MAP3K4: variants seen among roughly 807,000 people sequenced by gnomAD.
MAP3K4 encodes MAP three kinase 1.
Under a neutral mutation model 185.6 loss-of-function variants are expected in MAP3K4, and 67 were observed. The observed-to-expected ratio is 0.36, with a 90% CI of 0.30 to 0.44. The LOEUF (loss-of-function observed/expected upper bound fraction) is 0.44. MAP3K4 is among the 20% of genes least tolerant of loss of function. The pLI, the probability that MAP3K4 is intolerant of heterozygous loss-of-function variation, is 1.00. For missense variants in MAP3K4, 1,551 were observed against 1,995.1 expected, an observed-to-expected ratio of 0.78 and a Z score of 4.24; for synonymous variants, 702 against 710.4, an observed-to-expected ratio of 0.99 and a Z score of 0.19.
At chr6:161,104,112 A>T (rs1199082391) in intron 19 of MAP3K4, among the ~76,000 whole-genome samples, 1 of 152,180 alleles carries the variant, frequency 6.6e-6, no homozygotes, top group Non-Finnish European at 1.5e-5. Context: ...TACAGTTCAC[A>T]TTGACATATT....
At chr6:161,042,965 GGTGT>G (rs374290202) in intron 2 of MAP3K4, among the ~76,000 whole-genome samples, 1 of 151,182 alleles carries the variant, frequency 6.6e-6, no homozygotes, top group Non-Finnish European at 1.5e-5. Flanking sequence ...AATATCTCAA[GGTGT>G]GTGTGTGTGC....
Position 161,053,391 on chromosome 6 carries a change from G to T in MAP3K4, c.1707+3412G>T, listed in dbSNP as rs1784091086. Among the ~76,000 whole-genome samples the T allele has an allele frequency of 1.3e-5, 2 of 152,172 alleles. No individual in the cohort carries two copies. Among genetic ancestry groups the T allele is most frequent in the Non-Finnish European group, 2.9e-5 (2 of 68,032 alleles). ...ACACAGATCCACATCTTATCAAATG[G>T]TAAAATGCTCTACAAATCAACCATA... On this transcript the variant is annotated intron_variant, in intron 3 of 26. Coordinates refer to ENST00000392142, the MANE Select transcript of MAP3K4 (RefSeq NM_005922.4). The surrounding 1 kb of genome is among the most constrained non-coding windows in gnomAD (Gnocchi z 4.2).
In MAP3K4 at chr6:161,049,943, A is replaced by C; in HGVS notation, c.1671A>C (p.Ala557=). 1.2e-6 allele frequency: 2 copies of C among 1,613,690 alleles called. No homozygotes were observed. The highest frequency in any genetic ancestry group is 1.7e-6 in the Non-Finnish European group (2 of 1,179,786). Reference sequence around the variant, plus strand: ...TAATGGATGGTTCCTTGCAAAGGGCACGTATAGCATTGGTAAAGAACGATC... The same window carrying C: ...TAATGGATGGTTCCTTGCAAAGGGCCCGTATAGCATTGGTAAAGAACGATC... ...HKLMDGSLQR[A]RIALVKNDRP... The change falls in exon 3 of 27, where the codon GCA becomes GCC. Residue 557 remains alanine, a synonymous_variant. Coordinates refer to ENST00000392142, the MANE Select transcript of MAP3K4 (RefSeq NM_005922.4). This position sits in a 1 kb window ranked among gnomAD's most constrained non-coding sequence, Gnocchi z 8.4.
chr6:161,005,339 C>A (rs1781535815), intron 1 of MAP3K4, among the ~76,000 whole-genome samples: 1 of 151,752 alleles, frequency 6.6e-6, no homozygotes, highest in African/African-American at 2.4e-5. Flanking sequence ...GGGGTTTCTC[C>A]ACGTTGCCCA....
chr6:161,018,869 G>T (rs1782236928), intron 1 of MAP3K4, among the ~76,000 whole-genome samples: 1 of 152,114 alleles, frequency 6.6e-6, no homozygotes, highest in Non-Finnish European at 1.5e-5. Flanking sequence ...GATCCAAATG[G>T]AACTTCTGAA....
chr6:161,089,798 A>G (rs948812094), intron 11 of MAP3K4, among the ~76,000 whole-genome samples: 1 of 152,190 alleles, frequency 6.6e-6, no homozygotes, highest in African/African-American at 2.4e-5. Flanking sequence ...TTCTCCTTTC[A>G]CAATCCCCAG....
chr6:161,079,246 A>C lies in MAP3K4; in HGVS notation c.2098-1635A>C, dbSNP rs551088344. On this transcript the variant is annotated intron_variant, in intron 5 of 26. Coordinates refer to ENST00000392142, the MANE Select transcript of MAP3K4 (RefSeq NM_005922.4). ...AAAAAAAAAAAAAAGCAGTGGGAAC[A>C]GGAGGAAGCTGACTTTGCAGCCTTT... Among the ~76,000 whole-genome samples the C allele has an allele frequency of 1.7e-4, 25 of 149,072 alleles. No homozygotes were observed. The South Asian group carries it at 2.7e-3, about 16-fold the overall frequency.
In MAP3K4 at chr6:161,017,759, C is replaced by G. The variant is rs999424661; in HGVS notation, c.153-16500C>G. On this transcript the variant is annotated intron_variant, in intron 1 of 26. Coordinates refer to ENST00000392142, the MANE Select transcript of MAP3K4 (RefSeq NM_005922.4). The surrounding 1 kb of genome is among the most constrained non-coding windows in gnomAD (Gnocchi z 5.1). ...TCTCCTTTGCTTCCTAAAGACACTGCTGTGTGATCCTATTATATAATACTT... is the reference window on the plus strand; with the variant it reads ...TCTCCTTTGCTTCCTAAAGACACTGGTGTGTGATCCTATTATATAATACTT... Among the ~76,000 whole-genome samples, 1 of 152,100 alleles carries G rather than the reference C, an allele frequency of 6.6e-6. No individual in the cohort carries two copies. Among genetic ancestry groups the G allele is most frequent in the Non-Finnish European group, 1.5e-5 (1 of 68,030 alleles).
At position 161,074,689 on chromosome 6, in the gene MAP3K4, A is replaced by G. The variant is rs1303596699; in HGVS notation, c.2097+1077A>G. 6.6e-6 allele frequency among the ~76,000 whole-genome samples: 1 copy of G among 152,228 alleles called. No individual in the cohort carries two copies. Among genetic ancestry groups the G allele is most frequent in the Non-Finnish European group, 1.5e-5 (1 of 68,050 alleles). Reference sequence around the variant, plus strand: ...TAGATTCATTAGGGTATATGCATAGATGATTACGTAATGTGACAGGTTAAT... The same window carrying G: ...TAGATTCATTAGGGTATATGCATAGGTGATTACGTAATGTGACAGGTTAAT... On this transcript the variant is annotated intron_variant, in intron 5 of 26. Coordinates refer to ENST00000392142, the MANE Select transcript of MAP3K4 (RefSeq NM_005922.4). This position sits in a 1 kb window ranked among gnomAD's most constrained non-coding sequence, Gnocchi z 5.0.
Position 161,049,017 on chromosome 6 carries a change from C to T in MAP3K4, c.745C>T (p.Gln249Ter). The T allele has an allele frequency of 6.2e-7, 1 of 1,614,056 alleles. No homozygotes were observed. Among genetic ancestry groups the T allele is most frequent in the Non-Finnish European group, 8.5e-7 (1 of 1,179,968 alleles). The stretch of plus-strand genomic sequence containing the variant: ...GAAAAAAGACAGGGAGCAAAGAGGA[C>T]AAGAAAATACGTCTGGTTTCTGGCT... ...SKKKDREQRG[Q>*]ENTSGFWLNR... Residue 249 changes from glutamine to a stop codon, truncating the protein, a stop_gained, in exon 3 of 27, where the codon CAA becomes TAA. Transcript: ENST00000392142. LOFTEE classifies it high-confidence loss of function. The surrounding 1 kb of genome is among the most constrained non-coding windows in gnomAD (Gnocchi z 8.4).
chr6:160,992,371 C>T (rs1409165674), intron 1 of MAP3K4: 2 of 469,206 alleles, frequency 4.3e-6, no homozygotes, highest in Non-Finnish European at 7.4e-6. Context: ...GTTGCGGGGG[C>T]TGGGAGCAGA....
In MAP3K4 at chr6:161,017,313, G is replaced by A. The variant is rs1782161720; in HGVS notation, c.153-16946G>A. On this transcript the variant is annotated intron_variant, in intron 1 of 26. Transcript: ENST00000392142. This position sits in a 1 kb window ranked among gnomAD's most constrained non-coding sequence, Gnocchi z 5.1. The stretch of plus-strand genomic sequence containing the variant: ...CCTAGCTAAGTCAAAACAATTTGGT[G>A]GCATACTTGTTTCTGTTAATGATAT... 6.6e-6 allele frequency among the ~76,000 whole-genome samples: 1 copy of A among 151,996 alleles called. No homozygotes were observed. Among genetic ancestry groups the A allele is most frequent in the Non-Finnish European group, 1.5e-5 (1 of 67,988 alleles).
rs1374890153 is a variant in MAP3K4 at position 161,088,497 on chromosome 6, A to G, written c.2823+543A>G. On this transcript the variant is annotated intron_variant, in intron 10 of 26. Transcript: ENST00000392142. This position sits in a 1 kb window ranked among gnomAD's most constrained non-coding sequence, Gnocchi z 4.5. Reference sequence around the variant, plus strand: ...GCTCAGCCTCACCAGAACTGAGTATACACTGGCCTGCTGTATCCCTCACCC... The same window carrying G: ...GCTCAGCCTCACCAGAACTGAGTATGCACTGGCCTGCTGTATCCCTCACCC... Among the ~76,000 whole-genome samples the G allele has an allele frequency of 6.6e-6, 1 of 152,162 alleles. No individual in the cohort carries two copies. Among genetic ancestry groups the G allele is most frequent in the Non-Finnish European group, 1.5e-5 (1 of 68,030 alleles).
Position 161,114,159 on chromosome 6 carries a change from C to T in MAP3K4, c.4627-964C>T, listed in dbSNP as rs9456626. 0.02 allele frequency among the ~76,000 whole-genome samples: 3,109 copies of T among 152,158 alleles called. 69 individuals are homozygous for T. Among genetic ancestry groups the T allele is most frequent in the African/African-American group, 0.051 (2,127 of 41,498 alleles). Reference sequence around the variant, plus strand: ...GAAATTCCATGTGGTAGGGCTGCTCCGGAGACATTTCCAATCTCTATCAAA... The same window carrying T: ...GAAATTCCATGTGGTAGGGCTGCTCTGGAGACATTTCCAATCTCTATCAAA... On this transcript the variant is annotated intron_variant, in intron 25 of 26. Coordinates refer to ENST00000392142, the MANE Select transcript of MAP3K4 (RefSeq NM_005922.4). The surrounding 1 kb of genome is among the most constrained non-coding windows in gnomAD (Gnocchi z 4.3).
intron 11 of MAP3K4, among the ~76,000 whole-genome samples, 178 bp downstream of exon 11, chr6:161,089,649 C>T (rs1053056577): frequency 7.2e-5 from 11 of 152,148 alleles, no homozygotes; most frequent in Admixed American, 7.2e-4. Context: ...GAGATTCTTC[C>T]TGAAGCTGTA....
intron 2 of MAP3K4, among the ~76,000 whole-genome samples, chr6:161,044,773 C>A (rs1228059594): frequency 6.6e-6 from 1 of 151,998 alleles, no homozygotes; most frequent in Non-Finnish European, 1.5e-5. Flanking sequence ...TCTGGTGAAG[C>A]CTCAAGAAGC....
intron 1 of MAP3K4, among the ~76,000 whole-genome samples, chr6:161,019,476 C>A (rs1350115789): frequency 2.0e-5 from 3 of 152,196 alleles, no homozygotes; most frequent in Non-Finnish European, 4.4e-5. Context: ...GGCGCGAGCT[C>A]AGCTCACTGC....
At position 161,051,591 on chromosome 6, in the gene MAP3K4, T is replaced by C. The variant is rs965445612; in HGVS notation, c.1707+1612T>C. 6.6e-6 allele frequency among the ~76,000 whole-genome samples: 1 copy of C among 152,208 alleles called. No individual in the cohort carries two copies. Among genetic ancestry groups the C allele is most frequent in the African/African-American group, 2.4e-5 (1 of 41,454 alleles). The stretch of plus-strand genomic sequence containing the variant: ...TAATTTGTATTGTGACCACTGGTTT[T>C]GAAGTAACATGAGTGAAGAAAAAAG... On this transcript the variant is annotated intron_variant, in intron 3 of 26. Transcript: ENST00000392142. This position sits in a 1 kb window ranked among gnomAD's most constrained non-coding sequence, Gnocchi z 4.2.
At position 161,082,542 on chromosome 6, in the gene MAP3K4, A is replaced by G. The variant is rs917847984; in HGVS notation, c.2255+1504A>G. Among the ~76,000 whole-genome samples, 2 of 151,860 alleles carry G rather than the reference A, an allele frequency of 1.3e-5. No individual in the cohort carries two copies. Among genetic ancestry groups the G allele is most frequent in the Non-Finnish European group, 2.9e-5 (2 of 67,984 alleles). On this transcript the variant is annotated intron_variant, in intron 6 of 26. Transcript: ENST00000392142. The surrounding 1 kb of genome is among the most constrained non-coding windows in gnomAD (Gnocchi z 4.2). ...GCTTTTTCATTCCCCCTTCTTGTGA[A>G]CAGTCCACTTTTATTCTAGTTCTGG...
Sources: gnomAD v4.1 joint callset for allele counts (sites outside exome capture counted in the v4.1 genomes callset) on GRCh38, gnomAD v4.1.1 for gene constraint, Gnocchi (gnomAD v3.1) non-coding constraint, MANE v1.5 for transcripts, NCBI Gene and HGNC (gene_info 2026-07-23, HGNC 2026-07-21) for gene names.